The following PHB1 variants were observed in gnomAD, a reference collection of about 807,000 sequenced individuals.
PHB1 encodes the protein epididymis luminal protein 215.
the PHB1 span, chr17:49,408,940 A>G: frequency 1.4e-6 from 1 of 733,818 alleles, no homozygotes; most frequent in Non-Finnish European, 2.3e-6. Flanking sequence ...ACATCTAGCA[A>G]AGCAGAAGGG....
the PHB1 span, chr17:49,409,154 C>A: frequency 6.2e-6 from 10 of 1,612,912 alleles, no homozygotes; most frequent in Non-Finnish European, 7.6e-6. Context: ...AGCATCAAAG[C>A]GAGCCTGGTT....
At chr17:49,409,093 G>A in the PHB1 span, 7 of 1,613,490 alleles carry the variant, frequency 4.3e-6, no homozygotes, top group Non-Finnish European at 5.9e-6. Flanking sequence ...GCTCTGTAAG[G>A]TCGTCGCTCA....
the PHB1 span, among the ~76,000 whole-genome samples, chr17:49,406,495 T>G: frequency 2.0e-5 from 3 of 152,250 alleles, no homozygotes; most frequent in African/African-American, 7.2e-5. Context: ...AGAAACATTT[T>G]TATTTGTAAG....
At chr17:49,411,409 G>A in the PHB1 span, among the ~76,000 whole-genome samples, 48 of 152,088 alleles carry the variant, frequency 3.2e-4, no homozygotes, top group African/African-American at 8.2e-4. Context: ...CATTGGCCAG[G>A]CTGGTCTTGA....
chr17:49,405,178 G>C, the PHB1 span: 1 of 1,614,036 alleles, frequency 6.2e-7, no homozygotes, highest in Non-Finnish European at 8.5e-7. Flanking sequence ...CAGCAGAGAT[G>C]ATGGCCGCCT....
chr17:49,406,520 C>T, the PHB1 span, among the ~76,000 whole-genome samples: 1 of 152,222 alleles, frequency 6.6e-6, no homozygotes, highest in East Asian at 1.9e-4. Context: ...TGTTTTTGAT[C>T]TCAGAGAAGT....
the PHB1 span, chr17:49,412,002 CA>C: frequency 1.6e-6 from 1 of 609,310 alleles, no homozygotes; most frequent in East Asian, 2.8e-5. Flanking sequence ...TAACTAGCTG[CA>C]AAACTAAGCA....
At chr17:49,413,489 T>C in the PHB1 span, among the ~76,000 whole-genome samples, 16 of 151,930 alleles carry the variant, frequency 1.1e-4, no homozygotes, top group African/African-American at 3.9e-4. Flanking sequence ...CTGCTTTTTT[T>C]TTTTTTCAGT....
chr17:49,413,538 T>C, the PHB1 span, among the ~76,000 whole-genome samples: 5 of 150,576 alleles, frequency 3.3e-5, no homozygotes, highest in Non-Finnish European at 7.4e-5. Flanking sequence ...AGACAGGGTC[T>C]TGCTCTGTCA....
the PHB1 span, among the ~76,000 whole-genome samples, chr17:49,411,287 G>A: frequency 4.3e-5 from 6 of 139,246 alleles, no homozygotes; most frequent in African/African-American, 1.1e-4. Context: ...TGCAACCTCC[G>A]CCCCCCAGGC....
chr17:49,405,008 AG>A, the PHB1 span: 1 of 1,554,790 alleles, frequency 6.4e-7, no homozygotes, highest in East Asian at 2.4e-5. Flanking sequence ...GGGCAGCTGG[AG>A]GAGCACGGAC....
At chr17:49,409,087 T>C in the PHB1 span, 6 of 1,613,154 alleles carry the variant, frequency 3.7e-6, no homozygotes, top group Admixed American at 1.7e-5. Context: ...CGGCTCGCTC[T>C]GTAAGGTCGT....
At chr17:49,412,517 C>G in the PHB1 span, among the ~76,000 whole-genome samples, 402 of 152,318 alleles carry the variant, frequency 2.6e-3, 2 homozygotes, top group Middle Eastern at 0.01. Context: ...TCTTGTCAGC[C>G]AGCCACACAC....
At chr17:49,404,122 A>G in the PHB1 span, 20 of 152,824 alleles carry the variant, frequency 1.3e-4, no homozygotes, top group African/African-American at 4.8e-4. Flanking sequence ...CAGTGCAGGC[A>G]TAGAGCCCGT....
chr17:49,404,976 C>G, the PHB1 span: 1 of 1,536,384 alleles, frequency 6.5e-7, no homozygotes, highest in Admixed American at 2.0e-5. Flanking sequence ...CGCGGAGGTG[C>G]AGGCAGGGTG....
chr17:49,408,754 A>T, the PHB1 span: 2 of 316,438 alleles, frequency 6.3e-6, no homozygotes, highest in African/African-American at 4.3e-5. Flanking sequence ...TTAACAAGGC[A>T]TCACTCTCTG....
At chr17:49,413,388 T>C in the PHB1 span, 1 of 681,202 alleles carries the variant, frequency 1.5e-6, no homozygotes, top group Non-Finnish European at 2.6e-6. Flanking sequence ...CCTGGCTATT[T>C]ATTTCCCCAT....
chr17:49,407,638 T>A, the PHB1 span, among the ~76,000 whole-genome samples: 1 of 152,220 alleles, frequency 6.6e-6, no homozygotes, highest in Non-Finnish European at 1.5e-5. Context: ...TTCATCCTAA[T>A]TTTTATTGAA....
At chr17:49,413,602 A>G in the PHB1 span, among the ~76,000 whole-genome samples, 4 of 147,712 alleles carry the variant, frequency 2.7e-5, no homozygotes, top group Non-Finnish European at 5.9e-5. Context: ...TCGACCTCCC[A>G]GGCTCAAGCG....
Sources: allele counts gnomAD v4.1 joint callset (sites outside exome capture counted in the v4.1 genomes callset), GRCh38; gene constraint gnomAD v4.1.1; transcripts MANE v1.5; gene names NCBI Gene and HGNC (gene_info 2026-07-23, HGNC 2026-07-21).